DNAH11: variants seen among roughly 807,000 people sequenced by gnomAD.
DNAH11 encodes axonemal beta dynein heavy chain 11.
DNAH11 carries 442 observed loss-of-function variants against 526.0 expected under a neutral mutation model. The observed-to-expected ratio is 0.84, with a 90% confidence interval of 0.78 to 0.91. The LOEUF is 0.91. DNAH11 is among the 40% of genes least tolerant of loss of function. DNAH11 has a pLI of 0.00. For synonymous variants in DNAH11, 2,461 were observed against 1,935.9 expected, an observed-to-expected ratio of 1.27 and a Z score of -7.12; for missense variants, 6,989 against 5,448.7, an observed-to-expected ratio of 1.28 and a Z score of -8.90.
chr7:21,564,925 C>T (rs73682620), intron 6 of DNAH11, among the ~76,000 whole-genome samples: 372 of 152,192 alleles, frequency 2.4e-3, no homozygotes, highest in African/African-American at 8.5e-3. Context: ...AAAAAAAGGA[C>T]CACCTTCCTC....
At chr7:21,588,028 T>G (rs774005182) in intron 9 of DNAH11, 36 bp from the exon 10 acceptor site, 1 of 1,603,122 alleles carries the variant, frequency 6.2e-7, no homozygotes. Context: ...TAAAAACTCA[T>G]AGTGCTTAAT....
At chr7:21,571,020 C>T (rs180899234) in intron 7 of DNAH11, among the ~76,000 whole-genome samples, 42 of 152,216 alleles carry the variant, frequency 2.8e-4, no homozygotes, top group Admixed American at 1.8e-3. Context: ...TGAGAATTCT[C>T]GTAATCACTT....
At chr7:21,564,945 A>G (rs1169893022) in intron 6 of DNAH11, among the ~76,000 whole-genome samples, 1 of 152,188 alleles carries the variant, frequency 6.6e-6, no homozygotes, top group South Asian at 2.1e-4. Flanking sequence ...CTGTGTCCTC[A>G]TCCTGTCTGT....
At chr7:21,611,388 C>T (rs1159508760) in intron 20 of DNAH11, among the ~76,000 whole-genome samples, 4 of 152,144 alleles carry the variant, frequency 2.6e-5, no homozygotes, top group Admixed American at 2.0e-4. Context: ...TGCTGGCATC[C>T]GGGTTTCCAG....
At chr7:21,745,889 A>C (rs1475112467) in intron 51 of DNAH11, among the ~76,000 whole-genome samples, 1 of 152,192 alleles carries the variant, frequency 6.6e-6, no homozygotes, top group Non-Finnish European at 1.5e-5. Flanking sequence ...AAAGATCTGG[A>C]GGAAGAACAT....
chr7:21,681,194 A>C (rs958044082), intron 30 of DNAH11, among the ~76,000 whole-genome samples: 6 of 152,152 alleles, frequency 3.9e-5, no homozygotes, highest in Admixed American at 3.9e-4. Context: ...TGGGAGGCCG[A>C]GGTAGGCAGA....
rs1002478419 is a variant in DNAH11 at position 21,607,077 on chromosome 7, C to T, written c.3852+344C>T. 2.0e-5 allele frequency among the ~76,000 whole-genome samples: 3 copies of T among 152,170 alleles called. No homozygotes were observed. The South Asian group carries it at 6.2e-4, about 32-fold the overall frequency. On this transcript the variant is annotated intron_variant, in intron 20 of 81. Transcript: ENST00000409508. The stretch of plus-strand genomic sequence containing the variant: ...CAAGCTGAGGAACAAGGAAGCCACT[C>T]TGAGTCTCAAAACCTCAAAAGTAGG...
At chr7:21,804,008 G>A (rs1165160573) in intron 62 of DNAH11, among the ~76,000 whole-genome samples, 1 of 152,240 alleles carries the variant, frequency 6.6e-6, no homozygotes, top group African/African-American at 2.4e-5. Flanking sequence ...CAGATTCAGG[G>A]TTCTCTTAGC....
At chr7:21,782,177 C>CATCT (rs1304968321) in intron 57 of DNAH11, among the ~76,000 whole-genome samples, 1 of 152,206 alleles carries the variant, frequency 6.6e-6, no homozygotes, top group Non-Finnish European at 1.5e-5. Context: ...ATCTTAAGAA[C>CATCT]ATCTGCAAGG....
At chr7:21,671,612 G>T (rs1782644947) in intron 30 of DNAH11, among the ~76,000 whole-genome samples, 1 of 151,634 alleles carries the variant, frequency 6.6e-6, no homozygotes, top group South Asian at 2.1e-4. Context: ...ACTAATCTTT[G>T]ACGTTATTGG....
intron 55 of DNAH11, among the ~76,000 whole-genome samples, chr7:21,771,849 C>A (rs1456402859): frequency 4.5e-5 from 6 of 132,584 alleles, no homozygotes; most frequent in African/African-American, 1.2e-4. Context: ...CAACGCCCCC[C>A]ACAAAAAAAA....
In DNAH11 at chr7:21,692,685, T is replaced by C. The variant is rs116020329; in HGVS notation, c.6041+1804T>C. Among the ~76,000 whole-genome samples, 649 of 152,308 alleles carry C rather than the reference T, an allele frequency of 4.3e-3. 4 individuals carry two copies. Among genetic ancestry groups the C allele is most frequent in the African/African-American group, 0.015 (611 of 41,568 alleles). On this transcript the variant is annotated intron_variant, in intron 35 of 81. Coordinates refer to ENST00000409508, the MANE Select transcript of DNAH11 (RefSeq NM_001277115.2). Reference sequence around the variant, plus strand: ...TATTTTTATTTCTTTGGGACAGATATCTATGGCTGGAATTGCTAGTCTACA... The same window carrying C: ...TATTTTTATTTCTTTGGGACAGATACCTATGGCTGGAATTGCTAGTCTACA...
chr7:21,788,389 T>C (rs1363093003), intron 60 of DNAH11, among the ~76,000 whole-genome samples: 1 of 152,100 alleles, frequency 6.6e-6, no homozygotes, highest in Admixed American at 6.6e-5. Flanking sequence ...TTAGTGGCAA[T>C]CTTCATAAGG....
intron 59 of DNAH11, 78 bp downstream of exon 59, chr7:21,786,845 A>G: frequency 6.4e-7 from 1 of 1,550,858 alleles, no homozygotes; most frequent in Non-Finnish European, 8.8e-7. Flanking sequence ...GCTTAATAGC[A>G]AAAGATGTTT....
chr7:21,578,291 A>G (rs1258911449), intron 8 of DNAH11, among the ~76,000 whole-genome samples: 3 of 152,258 alleles, frequency 2.0e-5, no homozygotes, highest in Non-Finnish European at 1.5e-5. Context: ...AAATTGGCCA[A>G]AACAAAGGGG....
intron 48 of DNAH11, among the ~76,000 whole-genome samples, chr7:21,740,247 C>A (rs1169268664): frequency 3.3e-5 from 5 of 151,926 alleles, no homozygotes; most frequent in Non-Finnish European, 5.9e-5. Context: ...CAAAATTTAC[C>A]ACATTAACCA....
intron 10 of DNAH11, 42 bp from the exon 11 acceptor site, chr7:21,588,470 A>C (rs1443354010): frequency 6.2e-7 from 1 of 1,609,608 alleles, no homozygotes; most frequent in East Asian, 2.2e-5. Context: ...ATTCTGACTA[A>C]ATGTTCCCTT....
At chr7:21,847,852 G>C (rs764530681) in intron 66 of DNAH11, among the ~76,000 whole-genome samples, 13 of 152,158 alleles carry the variant, frequency 8.5e-5, no homozygotes, top group Middle Eastern at 3.4e-3. Flanking sequence ...TCCATTATTA[G>C]GTGCATACAC....
Position 21,687,102 on chromosome 7 carries a change from TTA to T in DNAH11, c.5629_5630del (p.Ile1877TyrfsTer56). The T allele has an allele frequency of 6.2e-7, 1 of 1,612,150 alleles. No individual in the cohort carries two copies. ...TTGTGTTTTCTATTGCTTAAAGGTG[TTA>T]TATTACCTTAACTCAATCACTTCAT... ...LVITPLTDRCYITLTQSLHLT... is the reference protein window; with the variant it reads ...LVITPLTDRCXITLTQSLHLT... On this transcript the variant is annotated frameshift_variant, in exon 33 of 82. Coordinates refer to ENST00000409508, the MANE Select transcript of DNAH11 (RefSeq NM_001277115.2). LOFTEE classifies it high-confidence loss of function.
Sources: allele counts gnomAD v4.1 joint callset (sites outside exome capture counted in the v4.1 genomes callset), GRCh38; gene constraint gnomAD v4.1.1; transcripts MANE v1.5; gene names NCBI Gene and HGNC (gene_info 2026-07-23, HGNC 2026-07-21).